The following DNER variants were observed in gnomAD, a reference collection of about 807,000 sequenced individuals.
DNER encodes the protein delta and Notch-like epidermal growth factor-related receptor.
Under a neutral mutation model 78.2 loss-of-function variants are expected in DNER, and 33 were observed. The observed-to-expected ratio is 0.42, with a 90% CI of 0.32 to 0.56. DNER has a LOEUF of 0.56. DNER is among the 20% of genes least tolerant of loss of function. The pLI is 0.11. For missense variants in DNER, 918 were observed against 975.3 expected, an observed-to-expected ratio of 0.94 and a Z score of 0.78; for synonymous variants, 417 against 384.8, an observed-to-expected ratio of 1.08 and a Z score of -0.98.
At chr2:229,588,266 C>A in intron 3 of DNER, 128 bp downstream of exon 3, 1 of 771,652 alleles carries the variant, frequency 1.3e-6, no homozygotes, top group Admixed American at 2.4e-5. Context: ...GGGGCCACAT[C>A]TACCCGTGGA....
chr2:229,519,490 G>A (rs1171930101), intron 5 of DNER, among the ~76,000 whole-genome samples: 1 of 152,100 alleles, frequency 6.6e-6, no homozygotes, highest in Non-Finnish European at 1.5e-5. Context: ...TTGCTTCAGT[G>A]AAATTATTGC....
chr2:229,575,503 G>A lies in DNER; in HGVS notation c.847+10355C>T, dbSNP rs530744846. On this transcript the variant is annotated intron_variant, in intron 4 of 12. Coordinates refer to ENST00000341772, the MANE Select transcript of DNER (RefSeq NM_139072.4). ...TAGTGCTCAAAGAAATTGGCTGAGA[G>A]CATTGTGAAAGAGTCTCCTGAGGAG... Among the ~76,000 whole-genome samples, 4 of 152,328 alleles carry A rather than the reference G, an allele frequency of 2.6e-5. No homozygotes were observed. The East Asian group carries it at 5.8e-4, about 22-fold the overall frequency.
intron 7 of DNER, among the ~76,000 whole-genome samples, chr2:229,452,626 T>A (rs967630724): frequency 6.6e-6 from 1 of 152,124 alleles, no homozygotes; most frequent in South Asian, 2.1e-4. Flanking sequence ...ATTATTTTAT[T>A]TATTTATTTA....
intron 7 of DNER, among the ~76,000 whole-genome samples, chr2:229,450,158 C>T (rs908773892): frequency 1.3e-5 from 2 of 152,178 alleles, no homozygotes; most frequent in Non-Finnish European, 2.9e-5. Context: ...CAGAAGGTGA[C>T]AGTTGAGAAC....
In DNER at chr2:229,512,929, A is replaced by G. The variant is rs769354107; in HGVS notation, c.1001T>C (p.Phe334Ser). ...KCTTKPSEAT[F>S]SCTCEEQYVG... ...GTACTGCTCCTCACAGGTACAGGAA[A>G]AAGTTGCCTAAAACACAAAAAAAGC... is the stretch of plus-strand genomic sequence containing the variant. Residue 334 changes from phenylalanine (F) to serine (S), a missense_variant, in exon 6 of 13, where the codon TTT becomes TCT. By Grantham distance (155) the Phe-to-Ser change is radical. Transcript: ENST00000341772. The G allele has an allele frequency of 2.5e-6, 4 of 1,613,794 alleles. No individual in the cohort carries two copies. The South Asian group carries it at 4.4e-5, about 18-fold the overall frequency.
chr2:229,424,180 G>A (rs1279672922), intron 8 of DNER, among the ~76,000 whole-genome samples: 2 of 152,220 alleles, frequency 1.3e-5, no homozygotes, highest in African/African-American at 2.4e-5. Flanking sequence ...CCACCTACAC[G>A]GAGCATCCAG....
At chr2:229,696,579 G>A (rs947827733) in intron 1 of DNER, among the ~76,000 whole-genome samples, 2 of 152,146 alleles carry the variant, frequency 1.3e-5, no homozygotes, top group African/African-American at 4.8e-5. Context: ...TCTCCCAAAG[G>A]AGCTCAGCAG....
chr2:229,574,462 G>C (rs1382439333), intron 4 of DNER, among the ~76,000 whole-genome samples: 1 of 151,756 alleles, frequency 6.6e-6, no homozygotes, highest in Non-Finnish European at 1.5e-5. Flanking sequence ...AAGATTGTCA[G>C]TGAAACATTA....
intron 1 of DNER, among the ~76,000 whole-genome samples, chr2:229,682,685 T>C (rs1699405433): frequency 6.6e-6 from 1 of 152,000 alleles, no homozygotes. Flanking sequence ...CCTTTTCTAC[T>C]AAAAATACAA....
intron 11 of DNER, among the ~76,000 whole-genome samples, chr2:229,373,865 C>T (rs1692543461): frequency 2.0e-5 from 3 of 152,268 alleles, no homozygotes; most frequent in South Asian, 2.1e-4. Context: ...CACATGTTCT[C>T]ACTTATAAGT....
chr2:229,598,075 C>T (rs182401905), intron 1 of DNER, among the ~76,000 whole-genome samples: 6 of 152,164 alleles, frequency 3.9e-5, no homozygotes, highest in African/African-American at 1.4e-4. Flanking sequence ...AACAGAAGGA[C>T]GAAATGCCAA....
At chr2:229,608,938 C>A (rs1697995816) in intron 1 of DNER, among the ~76,000 whole-genome samples, 1 of 152,108 alleles carries the variant, frequency 6.6e-6, no homozygotes, top group Non-Finnish European at 1.5e-5. Flanking sequence ...AAAATGTGAT[C>A]TTGGTCGGGC....
intron 6 of DNER, among the ~76,000 whole-genome samples, chr2:229,505,934 A>T (rs1233187588): frequency 6.6e-6 from 1 of 152,212 alleles, no homozygotes; most frequent in Non-Finnish European, 1.5e-5. Flanking sequence ...CTTAAACCAT[A>T]ATTTGCTATT....
intron 7 of DNER, among the ~76,000 whole-genome samples, chr2:229,454,107 C>T (rs148777400): frequency 6.6e-6 from 1 of 152,180 alleles, no homozygotes; most frequent in African/African-American, 2.4e-5. Context: ...CAGCCAAGGC[C>T]ATTCTAGACC....
At chr2:229,451,529 G>A (rs371474747) in intron 7 of DNER, among the ~76,000 whole-genome samples, 41 of 152,280 alleles carry the variant, frequency 2.7e-4, no homozygotes, top group African/African-American at 8.7e-4. Flanking sequence ...GCATCACCTG[G>A]TTCTAACCCT....
At chr2:229,590,459 C>G (rs1697581957) in intron 2 of DNER, among the ~76,000 whole-genome samples, 2 of 152,086 alleles carry the variant, frequency 1.3e-5, no homozygotes, top group African/African-American at 4.8e-5. Context: ...TAAATGACAA[C>G]AGTAAAAAAA....
intron 1 of DNER, among the ~76,000 whole-genome samples, chr2:229,595,235 T>C (rs932462749): frequency 4.6e-5 from 7 of 152,172 alleles, no homozygotes; most frequent in African/African-American, 7.2e-5. Flanking sequence ...TTAACAGTGT[T>C]ACACAAATGA....
chr2:229,451,447 ACT>A (rs1225496272), intron 7 of DNER, among the ~76,000 whole-genome samples: 2 of 152,206 alleles, frequency 1.3e-5, no homozygotes, highest in African/African-American at 4.8e-5. Context: ...ACAGAGCAAG[ACT>A]CTGTCTCGAA....
chr2:229,519,970 A>T (rs1223577828), intron 5 of DNER, among the ~76,000 whole-genome samples: 2 of 152,164 alleles, frequency 1.3e-5, no homozygotes, highest in Non-Finnish European at 2.9e-5. Context: ...ATAGAGTAAA[A>T]ACTATCCTAT....
Sources: gnomAD v4.1 joint callset for allele counts (sites outside exome capture counted in the v4.1 genomes callset) on GRCh38, gnomAD v4.1.1 for gene constraint, MANE v1.5 for transcripts, NCBI Gene and HGNC (gene_info 2026-07-23, HGNC 2026-07-21) for gene names.